LAMC2: variants seen among roughly 807,000 people sequenced by gnomAD.
The protein encoded by LAMC2 is laminin subunit gamma 2.
LAMC2 carries 97 observed loss-of-function variants against 140.2 expected under a neutral mutation model. The ratio of observed to expected loss-of-function variants is 0.69; its 90% confidence interval spans 0.59 to 0.82. The LOEUF is 0.82. LAMC2 is among the 40% of genes least tolerant of loss of function. The pLI is 0.00. For missense variants in LAMC2, 1,402 were observed against 1,476.1 expected, an observed-to-expected ratio of 0.95 and a Z score of 0.82; for synonymous variants, 513 against 540.2, an observed-to-expected ratio of 0.95 and a Z score of 0.70.
rs1350836157 is a variant in LAMC2 at position 183,228,860 on chromosome 1, G to T, written c.1714+241G>T. Among the ~76,000 whole-genome samples the T allele has an allele frequency of 6.6e-6, 1 of 152,210 alleles. No individual in the cohort carries two copies. The highest frequency in any genetic ancestry group is 1.5e-5 in the Non-Finnish European group (1 of 68,040). On this transcript the variant is annotated intron_variant, in intron 11 of 22. Coordinates refer to ENST00000264144, the MANE Select transcript of LAMC2 (RefSeq NM_005562.3). The surrounding 1 kb of genome is among the most constrained non-coding windows in gnomAD (Gnocchi z 4.3). ...AAGCTGGGTGGGAGAAGTGAAAAAG[G>T]TCAGGTTTACATTCCTACGCGGAAA...
At chr1:183,223,893 T>C (rs1001288203) in intron 7 of LAMC2, among the ~76,000 whole-genome samples, 3 of 152,088 alleles carry the variant, frequency 2.0e-5, no homozygotes, top group Non-Finnish European at 1.5e-5. Flanking sequence ...TCCTGCAGAA[T>C]AGGGATTCTG....
intron 2 of LAMC2, among the ~76,000 whole-genome samples, chr1:183,209,362 C>T (rs1393270068): frequency 1.3e-5 from 2 of 152,134 alleles, no homozygotes; most frequent in African/African-American, 4.8e-5. Flanking sequence ...CTGGTGCAGC[C>T]ATGAGTTGCT....
At chr1:183,252,516 G>C in the LAMC2 span, 6 of 766,192 alleles carry the variant, frequency 7.8e-6, no homozygotes, top group African/African-American at 8.5e-5. Context: ...CCACACTATG[G>C]GGGGTTAAGT....
chr1:183,240,366 A>G lies in LAMC2; in HGVS notation c.3303A>G (p.Thr1101=). 1.9e-6 allele frequency: 3 copies of G among 1,614,254 alleles called. No homozygotes were observed. The highest frequency in any genetic ancestry group is 2.2e-5 in the South Asian group (2 of 91,090). ...AGVTIQDTLN[T]LDGLLHLMDQ... is the part of the protein sequence containing the mutation. ...TTACAATCCAAGACACACTCAACACATTAGACGGCCTCCTGCATCTGATGG... is the reference window on the plus strand; with the variant it reads ...TTACAATCCAAGACACACTCAACACGTTAGACGGCCTCCTGCATCTGATGG... The change falls in exon 22 of 23, where the codon ACA becomes ACG. Residue 1101 remains threonine, a synonymous_variant. Coordinates refer to ENST00000264144, the MANE Select transcript of LAMC2 (RefSeq NM_005562.3).
chr1:183,243,704 A>C lies in LAMC2; in HGVS notation c.*304A>C. ...TGCACAGGCAGATGTTTGCCTCATAATAGTCGTAAGTGGAGTCCTGGAATT... is the reference window on the plus strand; with the variant it reads ...TGCACAGGCAGATGTTTGCCTCATACTAGTCGTAAGTGGAGTCCTGGAATT... On this transcript the variant is annotated 3_prime_UTR_variant, in exon 23 of 23. Transcript: ENST00000264144. The C allele has an allele frequency of 2.3e-6, 1 of 439,966 alleles. No individual in the cohort carries two copies. 27.3% of individuals were successfully genotyped at this position (439,966 alleles called of 1,614,324 possible).
intron 2 of LAMC2, among the ~76,000 whole-genome samples, chr1:183,209,331 G>A (rs1659001795): frequency 6.6e-6 from 1 of 152,168 alleles, no homozygotes; most frequent in African/African-American, 2.4e-5. Context: ...CAGCTTGAAA[G>A]AATCTAAAAA....
intron 1 of LAMC2, 49 bp from the exon 2 acceptor site, chr1:183,207,832 G>C (rs773230786): frequency 8.8e-7 from 1 of 1,131,590 alleles, no homozygotes; most frequent in South Asian, 1.2e-5. Context: ...CAGTTCCTGA[G>C]GTGTTTTTTT....
Position 183,239,381 on chromosome 1 carries a change from G to A in LAMC2, c.2887G>A (p.Asp963Asn), listed in dbSNP as rs1489559770. ...CATTTCAGAGTTTGACCTGCAGGTG[G>A]ACAACAGAAAAGCAGAAGCTGAAGA... ...KNLREFDLQVDNRKAEAEEAM... is the reference protein window; with the variant it reads ...KNLREFDLQVNNRKAEAEEAM... Residue 963 changes from aspartate to asparagine, a missense_variant, in exon 20 of 23, where the codon GAC becomes AAC. Coordinates refer to ENST00000264144, the MANE Select transcript of LAMC2 (RefSeq NM_005562.3). 4.3e-6 allele frequency: 7 copies of A among 1,614,030 alleles called. No individual in the cohort carries two copies. The highest frequency in any genetic ancestry group is 1.1e-5 in the South Asian group (1 of 91,080).
rs765433025 is a variant in LAMC2, at chr1:183,243,534, C to T, written c.*134C>T. On this transcript the variant is annotated 3_prime_UTR_variant, in exon 23 of 23. Coordinates refer to ENST00000264144, the MANE Select transcript of LAMC2 (RefSeq NM_005562.3). ...GTATGCTCAGGTCAACTGACCTGAC[C>T]CCATTCCTGATCCCATGGCCAGGTG... 9.2e-5 allele frequency: 103 copies of T among 1,113,696 alleles called. No individual in the cohort carries two copies. Among genetic ancestry groups the T allele is most frequent in the Non-Finnish European group, 1.3e-4 (96 of 743,940 alleles). 69.0% of individuals were successfully genotyped at this position (1,113,696 alleles called of 1,614,324 possible).
chr1:183,208,166 G>T, intron 2 of LAMC2, 97 bp downstream of exon 2: 2 of 1,185,436 alleles, frequency 1.7e-6, no homozygotes, highest in Non-Finnish European at 2.5e-6. Context: ...AGGGAACAAC[G>T]GAGGAAAAAG....
chr1:183,245,654 A>G (rs575616246), downstream of LAMC2, among the ~76,000 whole-genome samples: 1 of 152,358 alleles, frequency 6.6e-6, no homozygotes, highest in East Asian at 1.9e-4. Context: ...CACATCTGCC[A>G]TGCAAAGGGG....
chr1:183,216,036 G>A (rs999894683), intron 3 of LAMC2, among the ~76,000 whole-genome samples: 7 of 152,136 alleles, frequency 4.6e-5, no homozygotes, highest in African/African-American at 1.4e-4. Flanking sequence ...ATCCCTGCTC[G>A]GATATTTTTT....
intron 1 of LAMC2, among the ~76,000 whole-genome samples, chr1:183,191,849 A>G (rs1658345558): frequency 9.0e-6 from 1 of 110,842 alleles, no homozygotes. Flanking sequence ...ACAGAATGAG[A>G]TTCCATATCA....
At chr1:183,205,433 A>G in intron 1 of LAMC2, among the ~76,000 whole-genome samples, 1 of 152,224 alleles carries the variant, frequency 6.6e-6, no homozygotes, top group East Asian at 1.9e-4. Context: ...ATTGTGTGCA[A>G]ATGTAATATG....
chr1:183,240,333 C>T lies in LAMC2; in HGVS notation c.3270C>T (p.Asn1090=), dbSNP rs574584189. ...EAQKVDTRAK[N]AGVTIQDTLN... is the part of the protein sequence containing the mutation. ...AGAAGGTTGATACCAGAGCCAAGAA[C>T]GCTGGGGTTACAATCCAAGACACAC... The change falls in exon 22 of 23, where the codon AAC becomes AAT. Residue 1090 remains asparagine, a synonymous_variant. Transcript: ENST00000264144. The T allele has an allele frequency of 2.2e-5, 36 of 1,614,184 alleles. No individual in the cohort carries two copies. The highest frequency in any genetic ancestry group is 1.1e-4 in the African/African-American group (8 of 75,044).
Position 183,238,216 on chromosome 1 carries a change from A to G in LAMC2, c.2755-91A>G, listed in dbSNP as rs777728647. Reference sequence around the variant, plus strand: ...CCCCTAGACTCTGCAGTGAATCACAATGATCTGCTGTCATGAAGAGAAATG... The same window carrying G: ...CCCCTAGACTCTGCAGTGAATCACAGTGATCTGCTGTCATGAAGAGAAATG... On this transcript the variant is annotated intron_variant, in intron 18 of 22. Transcript: ENST00000264144. 157 of 928,746 alleles carry G rather than the reference A, an allele frequency of 1.7e-4. 1 individual carries two copies. The highest frequency in any genetic ancestry group is 6.0e-4 in the Admixed American group (33 of 55,290). 57.5% of individuals were successfully genotyped at this position (928,746 alleles called of 1,614,324 possible).
rs539179864 is a variant in LAMC2, at chr1:183,243,541, C to T, written c.*141C>T. The T allele has an allele frequency of 9.7e-6, 10 of 1,027,658 alleles. No homozygotes were observed. Among genetic ancestry groups the T allele is most frequent in the East Asian group, 2.4e-5 (1 of 41,760 alleles). 63.7% of individuals were successfully genotyped at this position (1,027,658 alleles called of 1,614,324 possible). A position where few individuals can be genotyped will look rare whatever the true frequency, so the allele number is the denominator to read the frequency against. On this transcript the variant is annotated 3_prime_UTR_variant, in exon 23 of 23. Transcript: ENST00000264144. ...CAGGTCAACTGACCTGACCCCATTC[C>T]TGATCCCATGGCCAGGTGGTTGTCT...
Position 183,240,102 on chromosome 1 carries a change from G to C in LAMC2, c.3132G>C (p.Lys1044Asn), listed in dbSNP as rs1479344669. The C allele has an allele frequency of 1.2e-6, 2 of 1,614,198 alleles. No homozygotes were observed. The highest frequency in any genetic ancestry group is 2.2e-5 in the East Asian group (1 of 44,892). The change falls in exon 21 of 23, where the codon AAG becomes AAC. Residue 1044 changes from lysine (K) to asparagine (N), a missense_variant. Lys to Asn is a moderately conservative substitution (Grantham distance 94). Transcript: ENST00000264144. The part of the protein sequence containing the change: ...VTADGALAME[K>N]GLASLKSEMR... Reference sequence around the variant, plus strand: ...CAGATGGAGCCTTGGCCATGGAAAAGGGACTGGCCTCTCTGAAGAGTGAGA... The same window carrying C: ...CAGATGGAGCCTTGGCCATGGAAAACGGACTGGCCTCTCTGAAGAGTGAGA...
At chr1:183,216,866 G>C (rs189410989) in intron 3 of LAMC2, among the ~76,000 whole-genome samples, 3 of 152,260 alleles carry the variant, frequency 2.0e-5, no homozygotes, top group Admixed American at 6.5e-5. Flanking sequence ...CCCTGTGCCT[G>C]CTGCCCTTGC....
Sources: allele counts gnomAD v4.1 joint callset (sites outside exome capture counted in the v4.1 genomes callset), GRCh38; gene constraint gnomAD v4.1.1; non-coding constraint Gnocchi (gnomAD v3.1); transcripts MANE v1.5; gene names NCBI Gene and HGNC (gene_info 2026-07-23, HGNC 2026-07-21).